ADCY9: variants seen among roughly 807,000 people sequenced by gnomAD.
ADCY9 encodes the protein adenylate cyclase type 9.
In ADCY9, 50 loss-of-function variants were observed where a neutral mutation model predicts 101.5. That is an observed-to-expected ratio of 0.49 (90% CI 0.39 to 0.62). ADCY9 has a LOEUF of 0.62. Ranked by LOEUF, ADCY9 falls within the 20% of genes least tolerant of loss-of-function variation. The pLI, the probability that ADCY9 is intolerant of heterozygous loss-of-function variation, is 0.00. For synonymous variants in ADCY9, 905 were observed against 769.3 expected, an observed-to-expected ratio of 1.18 and a Z score of -2.92; for missense variants, 1,662 against 1,800.4, an observed-to-expected ratio of 0.92 and a Z score of 1.39.
At chr16:3,983,595 C>T (rs1213770085) in intron 6 of ADCY9, 155 bp from the exon 7 acceptor site, 3 of 656,026 alleles carry the variant, frequency 4.6e-6, no homozygotes, top group Middle Eastern at 4.1e-4. Context: ...CCTCTACTAC[C>T]CCATTTAACA....
At chr16:4,076,949 C>A (rs986967842) in intron 2 of ADCY9, among the ~76,000 whole-genome samples, 1 of 151,990 alleles carries the variant, frequency 6.6e-6, no homozygotes, top group Non-Finnish European at 1.5e-5. Context: ...TGGTGGCAGG[C>A]ACCTGTAATC....
intron 5 of ADCY9, among the ~76,000 whole-genome samples, chr16:3,955,655 T>A (rs1279212611): frequency 6.6e-6 from 1 of 150,930 alleles, no homozygotes; most frequent in Non-Finnish European, 1.5e-5. Flanking sequence ...TCCAAGCACT[T>A]TTCCTGTCTC....
chr16:4,089,609 C>A (rs1427074380), intron 2 of ADCY9, among the ~76,000 whole-genome samples: 1 of 151,996 alleles, frequency 6.6e-6, no homozygotes, highest in Non-Finnish European at 1.5e-5. Context: ...CATGGCTGGG[C>A]CCTACGGTAG....
intron 8 of ADCY9, 113 bp downstream of exon 8, chr16:3,979,003 C>A: frequency 3.6e-6 from 5 of 1,386,220 alleles, no homozygotes; most frequent in South Asian, 1.3e-5. Flanking sequence ...GCGTGAGCCA[C>A]CATGCCTGGC....
chr16:3,971,168 ACTTT>A (rs375183711), intron 10 of ADCY9, among the ~76,000 whole-genome samples: 157 of 152,142 alleles, frequency 1.0e-3, no homozygotes, highest in African/African-American at 3.7e-3. Context: ...GGACACCGAG[ACTTT>A]AATGAGCTTC....
At chr16:4,070,281 A>T (rs1364436612) in intron 2 of ADCY9, among the ~76,000 whole-genome samples, 8 of 152,140 alleles carry the variant, frequency 5.3e-5, no homozygotes, top group Non-Finnish European at 1.2e-4. Flanking sequence ...CCAAATTATG[A>T]CCTGGAAAAA....
chr16:3,993,596 C>T, intron 3 of ADCY9, 86 bp from the exon 4 acceptor site: 1 of 1,526,382 alleles, frequency 6.6e-7, no homozygotes, highest in East Asian at 2.3e-5. Flanking sequence ...TTGCCATCTG[C>T]CGTCACGCAG....
chr16:4,092,491 T>C (rs74005725), intron 2 of ADCY9, among the ~76,000 whole-genome samples: 1,931 of 152,318 alleles, frequency 0.013, 27 homozygotes, highest in African/African-American at 0.043. Context: ...AGTTATAGAA[T>C]TGTTCATTAA....
intron 2 of ADCY9, among the ~76,000 whole-genome samples, chr16:4,024,616 G>A (rs968505623): frequency 3.3e-5 from 5 of 152,060 alleles, no homozygotes; most frequent in African/African-American, 9.7e-5. Flanking sequence ...GGCTCCGGAG[G>A]TGTCAGGAGT....
chr16:3,992,092 C>G lies in ADCY9; in HGVS notation c.2207+54G>C. ...TCTTAAAGAAAAGAAAAGAAAAAGG[C>G]AGAGAGGCTTCTGCCTGCAACCTTT... On this transcript the variant is annotated intron_variant, in intron 5 of 10. Transcript: ENST00000294016. The surrounding 1 kb of genome is among the most constrained non-coding windows in gnomAD (Gnocchi z 4.2). 6.4e-7 allele frequency: 1 copy of G among 1,558,770 alleles called. No individual in the cohort carries two copies. Among genetic ancestry groups the G allele is most frequent in the East Asian group, 2.2e-5 (1 of 44,508 alleles).
chr16:4,067,237 C>T (rs1323165902), intron 2 of ADCY9, among the ~76,000 whole-genome samples: 9 of 152,162 alleles, frequency 5.9e-5, no homozygotes, highest in Non-Finnish European at 1.0e-4. Flanking sequence ...TATTTAGAAA[C>T]AACACCAGCT....
chr16:4,040,720 G>A (rs898651769), intron 2 of ADCY9, among the ~76,000 whole-genome samples: 2 of 152,158 alleles, frequency 1.3e-5, no homozygotes, highest in Non-Finnish European at 2.9e-5. Flanking sequence ...GCCTCCCACA[G>A]TGCTGGTATT....
At chr16:3,975,126 C>A (rs1334237892) in intron 9 of ADCY9, among the ~76,000 whole-genome samples, 1 of 152,128 alleles carries the variant, frequency 6.6e-6, no homozygotes, top group Non-Finnish European at 1.5e-5. Flanking sequence ...GTAGAAAAGC[C>A]CCGCAGCCAT....
chr16:3,974,421 C>A (rs1477838509), intron 10 of ADCY9, among the ~76,000 whole-genome samples: 3 of 152,022 alleles, frequency 2.0e-5, no homozygotes, highest in East Asian at 1.9e-4. Flanking sequence ...TTGTTGCATG[C>A]GAAAGTCTTA....
intron 4 of ADCY9, 70 bp downstream of exon 4, chr16:3,993,336 A>AC: frequency 6.3e-7 from 1 of 1,593,226 alleles, no homozygotes; most frequent in Non-Finnish European, 8.6e-7. Context: ...AGTCGACAAG[A>AC]CAGGAATGTC....
chr16:3,986,316 C>A (rs2056192933), intron 6 of ADCY9, among the ~76,000 whole-genome samples: 1 of 152,218 alleles, frequency 6.6e-6, no homozygotes, highest in South Asian at 2.1e-4. Flanking sequence ...CTTGTCCTGG[C>A]ATCTCTCCTT....
At chr16:3,991,478 T>C (rs867018535) in intron 5 of ADCY9, among the ~76,000 whole-genome samples, 16 of 152,030 alleles carry the variant, frequency 1.1e-4, no homozygotes, top group African/African-American at 3.6e-4. Flanking sequence ...AATGTTACCA[T>C]TAGGCCAGGC....
chr16:4,089,481 A>T (rs528621059), intron 2 of ADCY9, among the ~76,000 whole-genome samples: 91 of 152,160 alleles, frequency 6.0e-4, no homozygotes, highest in African/African-American at 2.1e-3. Context: ...TCATCAGCAG[A>T]CAGGCATTTG....
At chr16:4,046,541 G>A (rs78101013) in intron 2 of ADCY9, among the ~76,000 whole-genome samples, 10,777 of 152,184 alleles carry the variant, frequency 0.071, 1,269 homozygotes, top group African/African-American at 0.24. Context: ...GCTGGGAGTA[G>A]CTTAGTAGTC....
Sources: gnomAD v4.1 joint callset for allele counts (sites outside exome capture counted in the v4.1 genomes callset) on GRCh38, gnomAD v4.1.1 for gene constraint, Gnocchi (gnomAD v3.1) non-coding constraint, MANE v1.5 for transcripts, NCBI Gene and HGNC (gene_info 2026-07-23, HGNC 2026-07-21) for gene names.